The following LEKR1 variants were observed in gnomAD, a reference collection of about 807,000 sequenced individuals.
LEKR1 encodes protein LEKR1.
LEKR1 carries 59 observed loss-of-function variants against 72.4 expected under a neutral mutation model. The ratio of observed to expected loss-of-function variants is 0.82; its 90% confidence interval spans 0.66 to 1.01. The LOEUF (loss-of-function observed/expected upper bound fraction) is 1.01. Among genes scored for constraint, LEKR1 ranks in the 50% least tolerant of loss-of-function variants. The probability of loss-of-function intolerance (pLI) is 0.00; values close to 1 mark genes in which losing one functional copy is unlikely to be tolerated. For synonymous variants in LEKR1, 257 were observed against 263.2 expected (o/e 0.98, Z 0.23); for missense variants, 728 against 759.2 (o/e 0.96, Z 0.48).
At chr3:156,903,433 C>G (rs1722225118) in intron 3 of LEKR1, among the ~76,000 whole-genome samples, 2 of 152,060 alleles carry the variant, frequency 1.3e-5, no homozygotes, top group African/African-American at 4.8e-5. Context: ...ATCCAGTCTT[C>G]AAACCAACCT....
At chr3:157,011,584 C>A in intron 10 of LEKR1, 78 bp downstream of exon 10, 1 of 964,680 alleles carries the variant, frequency 1.0e-6, no homozygotes, top group Non-Finnish European at 1.6e-6. Context: ...GAAGACTCTT[C>A]CGGATAGATT....
intron 6 of LEKR1, among the ~76,000 whole-genome samples, chr3:156,969,908 A>G (rs1350629224): frequency 6.6e-6 from 1 of 152,260 alleles, no homozygotes. Flanking sequence ...GCAGCACATC[A>G]AAAAGCATAT....
intron 6 of LEKR1, among the ~76,000 whole-genome samples, chr3:156,964,608 A>G (rs2874495): frequency 0.58 from 87,942 of 151,896 alleles, 26,477 homozygotes; most frequent in East Asian, 0.73. Context: ...TTTAGAAGAC[A>G]AGGAGAAAAC....
intron 3 of LEKR1, among the ~76,000 whole-genome samples, chr3:156,876,600 G>A (rs1348243032): frequency 6.6e-6 from 1 of 152,120 alleles, no homozygotes; most frequent in African/African-American, 2.4e-5. Flanking sequence ...AAGGGATAGA[G>A]TTCTTTATTT....
At chr3:156,988,252 T>C (rs191937611) in intron 7 of LEKR1, 3 of 202,860 alleles carry the variant, frequency 1.5e-5, no homozygotes, top group East Asian at 2.4e-4. Context: ...CAAGTGCACA[T>C]TGTGGAGATG....
At chr3:157,008,056 C>G (rs184316217) in intron 9 of LEKR1, among the ~76,000 whole-genome samples, 1 of 152,318 alleles carries the variant, frequency 6.6e-6, no homozygotes, top group East Asian at 1.9e-4. Flanking sequence ...CACTTTTGCT[C>G]TCCTCATTCT....
chr3:156,993,254 G>C lies in LEKR1; in HGVS notation c.1086G>C (p.Glu362Asp), dbSNP rs1035922227. ...TKTLLNQTRE[E>D]VLTLKNEREL... ...CTCTTCTGAATCAGACAAGGGAAGAGGTTTTAACACTGAAAAATGAAAGGT... is the reference window on the plus strand; with the variant it reads ...CTCTTCTGAATCAGACAAGGGAAGACGTTTTAACACTGAAAAATGAAAGGT... Residue 362 changes from glutamate to aspartate, a missense_variant, in exon 9 of 13, where the codon GAG becomes GAC. Coordinates refer to ENST00000356539, the MANE Select transcript of LEKR1 (RefSeq NM_001004316.3). 6.2e-7 allele frequency: 1 copy of C among 1,600,402 alleles called. No individual in the cohort carries two copies. The highest frequency in any genetic ancestry group is 1.1e-5 in the South Asian group (1 of 89,394).
intron 7 of LEKR1, among the ~76,000 whole-genome samples, chr3:156,990,693 C>T (rs1279719900): frequency 6.6e-6 from 1 of 152,080 alleles, no homozygotes; most frequent in Non-Finnish European, 1.5e-5. Context: ...TTTGGTGCTC[C>T]GATTGTTCTA....
intron 5 of LEKR1, 131 bp from the exon 6 acceptor site, chr3:156,942,398 T>A: frequency 3.1e-6 from 1 of 317,842 alleles, no homozygotes; most frequent in South Asian, 2.6e-5. Context: ...TTTAGTTAGA[T>A]GTCATTATAA....
chr3:156,879,283 G>A (rs1049953426), intron 3 of LEKR1, among the ~76,000 whole-genome samples: 1 of 152,174 alleles, frequency 6.6e-6, no homozygotes, highest in African/African-American at 2.4e-5. Flanking sequence ...GGAACTTGTC[G>A]AGAACTGGAG....
At chr3:156,859,376 A>T (rs879178741) in intron 3 of LEKR1, among the ~76,000 whole-genome samples, 3 of 152,264 alleles carry the variant, frequency 2.0e-5, no homozygotes, top group Admixed American at 2.0e-4. Context: ...ACACTGGATT[A>T]AAAAAATTAT....
intron 3 of LEKR1, among the ~76,000 whole-genome samples, chr3:156,899,613 C>CATGTATATAT (rs1560064582): frequency 1.1e-4 from 12 of 110,412 alleles, no homozygotes; most frequent in African/African-American, 5.0e-4. Flanking sequence ...TATATATACA[C>CATGTATATAT]ACATATATAC....
At chr3:156,882,220 C>A (rs1450744430) in intron 3 of LEKR1, among the ~76,000 whole-genome samples, 1 of 151,998 alleles carries the variant, frequency 6.6e-6, no homozygotes, top group Non-Finnish European at 1.5e-5. Flanking sequence ...AGGCAACCTA[C>A]AAAATGGGAG....
At chr3:157,034,389 T>C (rs992471383) in intron 12 of LEKR1, among the ~76,000 whole-genome samples, 1 of 152,090 alleles carries the variant, frequency 6.6e-6, no homozygotes, top group African/African-American at 2.4e-5. Flanking sequence ...TTACAAAAGT[T>C]TGGAAGAAGT....
intron 3 of LEKR1, among the ~76,000 whole-genome samples, chr3:156,885,370 T>C (rs1027447042): frequency 6.6e-6 from 1 of 152,240 alleles, no homozygotes; most frequent in Non-Finnish European, 1.5e-5. Flanking sequence ...TTTTGTCATA[T>C]TACCAGAATA....
intron 6 of LEKR1, among the ~76,000 whole-genome samples, chr3:156,974,069 T>TA (rs921087182): frequency 1.3e-5 from 2 of 152,204 alleles, no homozygotes; most frequent in African/African-American, 2.4e-5. Flanking sequence ...ACAAGATGGG[T>TA]AAAAAACTTT....
At chr3:156,978,853 G>A (rs955977377) in intron 6 of LEKR1, among the ~76,000 whole-genome samples, 1 of 152,256 alleles carries the variant, frequency 6.6e-6, no homozygotes, top group African/African-American at 2.4e-5. Context: ...TTAGAAACAA[G>A]ACACGTGATC....
chr3:156,935,489 A>C (rs747248807), intron 5 of LEKR1, among the ~76,000 whole-genome samples: 1 of 152,222 alleles, frequency 6.6e-6, no homozygotes, highest in South Asian at 2.1e-4. Context: ...TCTTTGATCA[A>C]TTTGAACACA....
In LEKR1 at chr3:156,967,447, A is replaced by C. The variant is rs544653427; in HGVS notation, c.746-11747A>C. 3.3e-5 allele frequency among the ~76,000 whole-genome samples: 5 copies of C among 152,370 alleles called. No homozygotes were observed. In the South Asian group the frequency reaches 1.0e-3, roughly 32 times the overall value. On this transcript the variant is annotated intron_variant, in intron 6 of 12. Coordinates refer to ENST00000356539, the MANE Select transcript of LEKR1 (RefSeq NM_001004316.3). ...GTCCTTAAAGGACCTGATGGAGCTG[A>C]AAATCAAGGCACGAGAACTATGTGA...
Sources: allele counts gnomAD v4.1 joint callset (sites outside exome capture counted in the v4.1 genomes callset), GRCh38; gene constraint gnomAD v4.1.1; transcripts MANE v1.5; gene names NCBI Gene and HGNC (gene_info 2026-07-23, HGNC 2026-07-21).